The following HAPLN2 variants were observed in gnomAD, a reference collection of about 807,000 sequenced individuals.
HAPLN2 encodes brain link protein-1.
In HAPLN2, 27 loss-of-function variants were observed where a neutral mutation model predicts 29.3. The observed-to-expected ratio is 0.92, with a 90% CI of 0.68 to 1.27. The LOEUF (loss-of-function observed/expected upper bound fraction) is 1.27, where lower values mean the gene tolerates loss of function less well. HAPLN2 is among the 50% of genes most tolerant of loss of function. HAPLN2 has a pLI of 0.00. For missense variants in HAPLN2, 454 were observed against 484.3 expected (o/e 0.94, Z 0.59); for synonymous variants, 208 against 211.7 (o/e 0.98, Z 0.15).
chr1:156,606,081 C>G, the HAPLN2 span, among the ~76,000 whole-genome samples: 1 of 151,982 alleles, frequency 6.6e-6, no homozygotes, highest in Non-Finnish European at 1.5e-5. Context: ...GTCAGGAGTT[C>G]GAGACCAGCC....
intron 4 of HAPLN2, 37 bp from the exon 5 acceptor site, chr1:156,624,314 T>C: frequency 6.4e-7 from 1 of 1,552,192 alleles, no homozygotes. Flanking sequence ...TCCGCTCCCA[T>C]CCGCTGGCCC....
the HAPLN2 span, among the ~76,000 whole-genome samples, chr1:156,604,601 A>G: frequency 6.6e-6 from 1 of 152,192 alleles, no homozygotes; most frequent in Non-Finnish European, 1.5e-5. Context: ...AATTCTTAAT[A>G]GCTTGGGTAC....
chr1:156,610,648 AAAAAG>A, the HAPLN2 span, among the ~76,000 whole-genome samples: 2 of 151,992 alleles, frequency 1.3e-5, no homozygotes, highest in South Asian at 2.1e-4. Context: ...CTCAAAAAAA[AAAAAG>A]AAAAGAAAAA....
upstream of HAPLN2, chr1:156,614,605 C>A: frequency 8.9e-6 from 1 of 112,822 alleles, no homozygotes; most frequent in Admixed American, 8.5e-5. Context: ...GTTTGTTTGA[C>A]CAATATGAGA....
At chr1:156,610,335 C>T in the HAPLN2 span, among the ~76,000 whole-genome samples, 8 of 151,712 alleles carry the variant, frequency 5.3e-5, no homozygotes, top group South Asian at 2.1e-4. Flanking sequence ...TCATATTATT[C>T]GGTGGAAAAG....
At position 156,624,589 on chromosome 1, in the gene HAPLN2, G is replaced by A. The variant is rs1474423981; in HGVS notation, c.557-12G>A. ...ACGCCTCTTATCCCCGACCTCCGCC[G>A]TCTCCCGCCAGCTTGGACCGAGGGT... On this transcript the variant is annotated splice_polypyrimidine_tract_variant and intron_variant, in intron 5 of 6. Coordinates refer to ENST00000255039, the MANE Select transcript of HAPLN2 (RefSeq NM_021817.3). The A allele has an allele frequency of 3.7e-6, 6 of 1,610,532 alleles. No individual in the cohort carries two copies. The highest frequency in any genetic ancestry group is 4.2e-6 in the Non-Finnish European group (5 of 1,178,776).
chr1:156,625,040 G>C lies in HAPLN2; in HGVS notation c.740-61G>C. 6.6e-7 allele frequency: 1 copy of C among 1,510,400 alleles called. No homozygotes were observed. Among genetic ancestry groups the C allele is most frequent in the Non-Finnish European group, 8.8e-7 (1 of 1,133,966 alleles). The allele number at this position is 1,510,400 out of a possible 1,614,324, so 93.6% of individuals were successfully genotyped here. A position where few individuals can be genotyped will look rare whatever the true frequency, so the allele number is the denominator to read the frequency against. On this transcript the variant is annotated intron_variant, in intron 6 of 6. Coordinates refer to ENST00000255039, the MANE Select transcript of HAPLN2 (RefSeq NM_021817.3). This position sits in a 1 kb window ranked among gnomAD's most constrained non-coding sequence, Gnocchi z 5.7. ...TCCCGCACCCCAACTCCGCCTCCTG[G>C]GTGTCAGCCGCCCCTCTCCGCCCAC...
the HAPLN2 span, among the ~76,000 whole-genome samples, chr1:156,605,912 G>A: frequency 1.1e-5 from 1 of 93,188 alleles, no homozygotes; most frequent in African/African-American, 3.1e-5. Context: ...CATTTTGGGA[G>A]GCCAAGGCAG....
At chr1:156,621,258 C>A (rs919645436) in intron 2 of HAPLN2, among the ~76,000 whole-genome samples, 2 of 151,876 alleles carry the variant, frequency 1.3e-5, no homozygotes, top group Non-Finnish European at 2.9e-5. Flanking sequence ...GTGCATGCCA[C>A]CACGCCCAGC....
intron 2 of HAPLN2, among the ~76,000 whole-genome samples, chr1:156,622,590 T>C (rs955983287): frequency 6.6e-6 from 1 of 152,026 alleles, no homozygotes; most frequent in African/African-American, 2.4e-5. Context: ...GAATGCAAAC[T>C]TGGACTGTGT....
At chr1:156,604,414 T>A in the HAPLN2 span, among the ~76,000 whole-genome samples, 1 of 151,864 alleles carries the variant, frequency 6.6e-6, no homozygotes, top group Non-Finnish European at 1.5e-5. Flanking sequence ...CTCAGCCACC[T>A]GAGTAGCTGG....
At chr1:156,606,776 C>A in the HAPLN2 span, among the ~76,000 whole-genome samples, 2 of 152,174 alleles carry the variant, frequency 1.3e-5, no homozygotes, top group African/African-American at 4.8e-5. Flanking sequence ...AGCCACCGCG[C>A]CCAGCCTAAG....
chr1:156,624,565 C>A, intron 5 of HAPLN2, 36 bp from the exon 6 acceptor site: 1 of 1,605,720 alleles, frequency 6.2e-7, no homozygotes, highest in Non-Finnish European at 8.5e-7. Context: ...CTGCCTATGA[C>A]GCCTCTTATC....
chr1:156,604,627 T>C, the HAPLN2 span, among the ~76,000 whole-genome samples: 3 of 152,100 alleles, frequency 2.0e-5, no homozygotes, highest in East Asian at 3.9e-4. Context: ...TGTGATATAA[T>C]TGAAATGAAA....
chr1:156,608,182 A>T, the HAPLN2 span, among the ~76,000 whole-genome samples: 1,457 of 152,338 alleles, frequency 9.6e-3, 11 homozygotes, highest in Middle Eastern at 0.027. Flanking sequence ...GTGCTTACCT[A>T]CAAATAGGGG....
the HAPLN2 span, among the ~76,000 whole-genome samples, chr1:156,604,095 G>T: frequency 6.6e-6 from 1 of 151,964 alleles, no homozygotes; most frequent in African/African-American, 2.4e-5. Flanking sequence ...GAGAGAAAAA[G>T]AATACATGAA....
chr1:156,602,492 G>A, the HAPLN2 span, among the ~76,000 whole-genome samples: 1 of 138,174 alleles, frequency 7.2e-6, no homozygotes, highest in South Asian at 2.4e-4. Flanking sequence ...CAGATAGCTT[G>A]AGCCCAGAAG....
chr1:156,607,428 C>T, the HAPLN2 span, among the ~76,000 whole-genome samples: 3 of 151,674 alleles, frequency 2.0e-5, no homozygotes, highest in Admixed American at 1.3e-4. Flanking sequence ...TGTAGTGAGC[C>T]GAGATTGTGA....
intron 2 of HAPLN2, 120 bp from the exon 3 acceptor site, chr1:156,623,347 C>T (rs1678315916): frequency 1.3e-6 from 1 of 765,314 alleles, no homozygotes; most frequent in East Asian, 2.7e-5. Context: ...TTTCTCTGCC[C>T]CAGTGGCTTC....
Sources: allele counts gnomAD v4.1 joint callset (sites outside exome capture counted in the v4.1 genomes callset), GRCh38; gene constraint gnomAD v4.1.1; non-coding constraint Gnocchi (gnomAD v3.1); transcripts MANE v1.5; gene names NCBI Gene and HGNC (gene_info 2026-07-23, HGNC 2026-07-21).